GYPE: variants seen among roughly 807,000 people sequenced by gnomAD.
The protein encoded by GYPE is glycophorin E (MNS blood group).
A neutral mutation model predicts 11.6 loss-of-function variants in GYPE; 8 were observed. That is an observed-to-expected ratio of 0.69 (90% CI 0.41 to 1.25). The LOEUF is 1.25. Ranked by LOEUF, GYPE falls within the 50% of genes most tolerant of loss-of-function variation. GYPE has a pLI of 0.01. For missense variants in GYPE, 90 were observed against 92.8 expected (o/e 0.97, Z 0.12); for synonymous variants, 28 against 29.6 (o/e 0.94, Z 0.18).
rs191657810 is a variant in GYPE, at chr4:143,879,422, G to A, written c.136+989C>T. Among the ~76,000 whole-genome samples the A allele has an allele frequency of 1.7e-4, 26 of 152,284 alleles. No individual in the cohort carries two copies. The East Asian group carries it at 1.7e-3, about 10-fold the overall frequency. On this transcript the variant is annotated intron_variant, in intron 2 of 3. Coordinates refer to ENST00000358615, the MANE Select transcript of GYPE (RefSeq NM_198682.3). ...TCATTCTTTAGGCTTTACGTACAAA[G>A]GTTAATTGGGGCTTTCCTTCTCTTT...
intron 1 of GYPE, among the ~76,000 whole-genome samples, chr4:143,889,728 G>C (rs1001432268): frequency 3.1e-4 from 47 of 152,098 alleles, no homozygotes; most frequent in Admixed American, 7.9e-4. Context: ...GTATGTCTAA[G>C]ATAATAATAT....
intron 3 of GYPE, among the ~76,000 whole-genome samples, chr4:143,873,176 T>A (rs1266358329): frequency 6.6e-6 from 1 of 152,170 alleles, no homozygotes. Context: ...TGATTTCTTT[T>A]TAAAATTTCA....
intron 1 of GYPE, among the ~76,000 whole-genome samples, chr4:143,881,470 T>C (rs1375709436): frequency 2.0e-5 from 3 of 152,118 alleles, no homozygotes; most frequent in Non-Finnish European, 4.4e-5. Flanking sequence ...TATGCAAGGT[T>C]GAACATTTGA....
intron 2 of GYPE, 87 bp from the exon 3 acceptor site, chr4:143,876,942 A>T (rs1279009298): frequency 2.8e-5 from 21 of 753,108 alleles, no homozygotes; most frequent in Middle Eastern, 2.3e-4. Context: ...CATCAGCATA[A>T]CATCACCTTG....
chr4:143,879,555 C>T (rs555821317), intron 2 of GYPE, among the ~76,000 whole-genome samples: 1 of 152,214 alleles, frequency 6.6e-6, no homozygotes, highest in Non-Finnish European at 1.5e-5. Flanking sequence ...CTCGTGTAAA[C>T]AGAGTTCAAT....
At chr4:143,880,614 G>A in intron 1 of GYPE, 105 bp from the exon 2 acceptor site, 1 of 1,551,612 alleles carries the variant, frequency 6.4e-7, no homozygotes, top group Non-Finnish European at 8.9e-7. Flanking sequence ...CAGTCCCTGA[G>A]CTAAGCGCTT....
At chr4:143,889,900 A>C (rs1272687238) in intron 1 of GYPE, among the ~76,000 whole-genome samples, 3 of 152,236 alleles carry the variant, frequency 2.0e-5, no homozygotes, top group East Asian at 1.9e-4. Flanking sequence ...TTCACACAGC[A>C]GCCAAGTGGC....
At chr4:143,875,374 A>T in intron 3 of GYPE, 12 of 1,201,924 alleles carry the variant, frequency 1.0e-5, no homozygotes, top group Non-Finnish European at 1.2e-5. Flanking sequence ...AGGCAGGAGA[A>T]CAGGGAGTTA....
chr4:143,891,069 C>T (rs1744383617), intron 1 of GYPE, among the ~76,000 whole-genome samples: 1 of 152,078 alleles, frequency 6.6e-6, no homozygotes, highest in African/African-American at 2.4e-5. Flanking sequence ...GCCCTTAGTA[C>T]AAGTATTAGT....
intron 1 of GYPE, among the ~76,000 whole-genome samples, chr4:143,889,777 A>T (rs1393048805): frequency 6.6e-6 from 1 of 152,166 alleles, no homozygotes. Flanking sequence ...TTCATTCCAC[A>T]CATCTCTCTA....
chr4:143,883,080 G>C (rs1021933425), intron 1 of GYPE, among the ~76,000 whole-genome samples: 6 of 152,010 alleles, frequency 3.9e-5, no homozygotes, highest in Non-Finnish European at 8.8e-5. Flanking sequence ...TTGAATCATG[G>C]GGCTGGTTTC....
At position 143,891,329 on chromosome 4, in the gene GYPE, CTTTT is replaced by C. The variant is rs747618657; in HGVS notation, c.38-10824_38-10821del. Among the ~76,000 whole-genome samples, 4 of 117,944 alleles carry C rather than the reference CTTTT, an allele frequency of 3.4e-5. No homozygotes were observed. In the East Asian group the frequency reaches 7.5e-4, roughly 22 times the overall value. The allele number at this position is 117,944 out of a possible 152,430, so 77.4% of individuals were successfully genotyped here. ...ATTATTATTTTGATTTTTTTTGTTTCTTTTTTTTTTTTTTTTTGAGACAGAGGCT... is the reference window on the plus strand; with the variant it reads ...ATTATTATTTTGATTTTTTTTGTTTCTTTTTTTTTTTTTGAGACAGAGGCT... On this transcript the variant is annotated intron_variant, in intron 1 of 3. Transcript: ENST00000358615.
chr4:143,905,309 A>G (rs1745017310), intron 1 of GYPE, among the ~76,000 whole-genome samples, 162 bp downstream of exon 1: 1 of 152,164 alleles, frequency 6.6e-6, no homozygotes, highest in African/African-American at 2.4e-5. Context: ...TTTCCCCCAC[A>G]TTGGTAGCTG....
intron 1 of GYPE, 148 bp from the exon 2 acceptor site, chr4:143,880,657 G>T (rs576724194): frequency 9.2e-5 from 122 of 1,325,344 alleles, no homozygotes; most frequent in Non-Finnish European, 1.3e-4. Context: ...TTAGAGAATT[G>T]CTGTGTGGTA....
chr4:143,875,331 T>G (rs1360174406), intron 3 of GYPE: 3 of 771,968 alleles, frequency 3.9e-6, no homozygotes, highest in African/African-American at 3.5e-5. Context: ...GTATTTTGTT[T>G]TATTTTTATT....
In GYPE at chr4:143,902,821, T is replaced by C. The variant is rs189877404; in HGVS notation, c.37+2650A>G. On this transcript the variant is annotated intron_variant, in intron 1 of 3. Transcript: ENST00000358615. ...AGTATATTATGACCTAGAATGCAAATTTTGTATGAATTTTTAAGTAAACAC... is the reference window on the plus strand; with the variant it reads ...AGTATATTATGACCTAGAATGCAAACTTTGTATGAATTTTTAAGTAAACAC... Among the ~76,000 whole-genome samples, 429 of 152,240 alleles carry C rather than the reference T, an allele frequency of 2.8e-3. 3 individuals are homozygous for C. Among genetic ancestry groups the C allele is most frequent in the Non-Finnish European group, 4.7e-3 (318 of 68,018 alleles).
At chr4:143,881,678 G>A (rs1249818816) in intron 1 of GYPE, among the ~76,000 whole-genome samples, 2 of 152,180 alleles carry the variant, frequency 1.3e-5, no homozygotes, top group African/African-American at 2.4e-5. Flanking sequence ...TTATATGAAT[G>A]TTCTGTGGTT....
chr4:143,876,927 G>C, intron 2 of GYPE, 72 bp from the exon 3 acceptor site: 1 of 807,844 alleles, frequency 1.2e-6, no homozygotes, highest in Non-Finnish European at 2.2e-6. Context: ...TGAAAAATAA[G>C]ATAACATCAG....
At chr4:143,891,283 G>A (rs1278562679) in intron 1 of GYPE, among the ~76,000 whole-genome samples, 10 of 149,510 alleles carry the variant, frequency 6.7e-5, no homozygotes, top group Non-Finnish European at 1.2e-4. Flanking sequence ...TTTGAATTTC[G>A]TATAATATCC....
Sources: allele counts gnomAD v4.1 joint callset (sites outside exome capture counted in the v4.1 genomes callset), GRCh38; gene constraint gnomAD v4.1.1; transcripts MANE v1.5; gene names NCBI Gene and HGNC (gene_info 2026-07-23, HGNC 2026-07-21).